The following FOXP1 variants were observed in gnomAD, a reference collection of about 807,000 sequenced individuals.
The protein encoded by FOXP1 is forkhead box P1.
Under a neutral mutation model 98.2 loss-of-function variants are expected in FOXP1, and 15 were observed. That is an observed-to-expected ratio of 0.15 (90% confidence interval 0.10 to 0.24). FOXP1 has a LOEUF of 0.24. Among genes scored for constraint, FOXP1 ranks in the 10% least tolerant of loss-of-function variants. The probability of loss-of-function intolerance (pLI) is 1.00; values close to 1 mark genes in which losing one functional copy is unlikely to be tolerated. For missense variants in FOXP1, 633 were observed against 848.5 expected (o/e 0.75, Z 3.15); for synonymous variants, 371 against 314.5 (o/e 1.18, Z -1.90).
Position 71,494,346 on chromosome 3 carries a change from A to G in FOXP1, c.-297-791T>C, listed in dbSNP as rs75376924. Among the ~76,000 whole-genome samples the G allele has an allele frequency of 3.9e-3, 600 of 152,276 alleles. 39 individuals are homozygous for G. The East Asian group carries it at 0.1, about 26-fold the overall frequency. The stretch of plus-strand genomic sequence containing the variant: ...ATATTTCTTCTAAATACTTTAAACT[A>G]ATTAACTTCTCCTTTAAGCTTCCTG... On this transcript the variant is annotated intron_variant, in intron 2 of 20. Transcript: ENST00000649528.
intron 5 of FOXP1, among the ~76,000 whole-genome samples, chr3:71,204,346 G>A (rs566804566): frequency 3.9e-5 from 6 of 152,334 alleles, no homozygotes. Context: ...GGAGTTTTAA[G>A]CAGTGGGGTG....
At chr3:71,560,760 G>A (rs2046472634) in intron 2 of FOXP1, among the ~76,000 whole-genome samples, 1 of 152,104 alleles carries the variant, frequency 6.6e-6, no homozygotes, top group Non-Finnish European at 1.5e-5. Flanking sequence ...TTACAACATA[G>A]GTAATCCTTG....
intron 11 of FOXP1, chr3:71,040,128 T>G (rs2048147119): frequency 6.6e-6 from 1 of 151,932 alleles, no homozygotes; most frequent in Non-Finnish European, 1.5e-5. Context: ...TGTGTGTGTG[T>G]GTGTATCTGT....
At chr3:71,070,785 C>T in intron 7 of FOXP1, among the ~76,000 whole-genome samples, 1 of 152,168 alleles carries the variant, frequency 6.6e-6, no homozygotes, top group East Asian at 1.9e-4. Context: ...AAGGCCTGTA[C>T]AAATCCCTGC....
chr3:71,425,346 G>A (rs1490021779), intron 3 of FOXP1, among the ~76,000 whole-genome samples: 6 of 152,216 alleles, frequency 3.9e-5, no homozygotes, highest in East Asian at 3.9e-4. Context: ...AGCTGGTCTC[G>A]AACTCCTGAC....
At chr3:70,968,095 T>C (rs193223732) in intron 19 of FOXP1, among the ~76,000 whole-genome samples, 47 of 152,272 alleles carry the variant, frequency 3.1e-4, no homozygotes, top group African/African-American at 1.0e-3. Flanking sequence ...GATTGGATCA[T>C]AGAACATGGG....
intron 5 of FOXP1, among the ~76,000 whole-genome samples, chr3:71,265,023 C>A (rs563602443): frequency 6.6e-6 from 1 of 152,110 alleles, no homozygotes; most frequent in East Asian, 1.9e-4. Context: ...AGAGTGTGCA[C>A]GTATACACAC....
chr3:71,485,785 A>G (rs2090603395), intron 3 of FOXP1, among the ~76,000 whole-genome samples: 1 of 152,050 alleles, frequency 6.6e-6, no homozygotes, highest in Non-Finnish European at 1.5e-5. Flanking sequence ...AAAAAAAAAA[A>G]AAGAACCACA....
chr3:71,437,323 C>T (rs564141416), intron 3 of FOXP1, among the ~76,000 whole-genome samples: 5 of 152,266 alleles, frequency 3.3e-5, no homozygotes, highest in African/African-American at 1.2e-4. Flanking sequence ...AGGAGGATCG[C>T]TTGAACCTGG....
chr3:70,976,186 G>A (rs547515785), intron 17 of FOXP1, among the ~76,000 whole-genome samples: 2 of 150,976 alleles, frequency 1.3e-5, no homozygotes, highest in African/African-American at 4.9e-5. Flanking sequence ...AGTAGCTGTT[G>A]ACCACAGGTG....
At chr3:71,110,993 A>G (rs2057872541) in intron 7 of FOXP1, among the ~76,000 whole-genome samples, 1 of 152,192 alleles carries the variant, frequency 6.6e-6, no homozygotes, top group South Asian at 2.1e-4. Flanking sequence ...AACTTTTCCA[A>G]TAAAGCGTCA....
chr3:71,427,154 T>G (rs769374360), intron 3 of FOXP1, among the ~76,000 whole-genome samples: 3 of 152,016 alleles, frequency 2.0e-5, no homozygotes, highest in Non-Finnish European at 4.4e-5. Flanking sequence ...ATTATTTGAC[T>G]CTTCCCTTAA....
intron 3 of FOXP1, among the ~76,000 whole-genome samples, chr3:71,444,576 G>A (rs1409470620): frequency 6.6e-6 from 1 of 152,196 alleles, no homozygotes; most frequent in Non-Finnish European, 1.5e-5. Context: ...TGAGATGGCA[G>A]ATAGGAGGTT....
intron 5 of FOXP1, chr3:71,296,068 ATT>A (rs1166354901): frequency 6.6e-6 from 1 of 152,206 alleles, no homozygotes; most frequent in East Asian, 1.9e-4. Flanking sequence ...GATGACTGTT[ATT>A]TATGACTCTT....
At chr3:71,305,575 G>A (rs1399208783) in intron 4 of FOXP1, 1 of 152,292 alleles carries the variant, frequency 6.6e-6, no homozygotes, top group Non-Finnish European at 1.5e-5. Context: ...GCAAACAATG[G>A]CAGCATTATC....
chr3:71,542,421 A>G (rs1454788896), intron 2 of FOXP1, among the ~76,000 whole-genome samples: 1 of 152,252 alleles, frequency 6.6e-6, no homozygotes, highest in African/African-American at 2.4e-5. Flanking sequence ...GGGGGAGCAG[A>G]GCGATCGAAA....
In FOXP1 at chr3:71,085,853, C is replaced by T. The variant is rs373077613; in HGVS notation, c.282+26683G>A. ...CAAGCGATTCTCCTGCCTCAGCCTC[C>T]TGAGTAGCTGGGACCACAGGCGGGT... On this transcript the variant is annotated intron_variant, in intron 7 of 20. Transcript: ENST00000649528. 1.1e-4 allele frequency among the ~76,000 whole-genome samples: 17 copies of T among 150,238 alleles called. 1 individual carries two copies. Among genetic ancestry groups the T allele is most frequent in the East Asian group, 1.0e-3 (5 of 5,002 alleles).
At chr3:71,208,379 A>G (rs1314254729) in intron 5 of FOXP1, among the ~76,000 whole-genome samples, 1 of 152,200 alleles carries the variant, frequency 6.6e-6, no homozygotes, top group Non-Finnish European at 1.5e-5. Context: ...ATATCATTAC[A>G]CTAAGGAAAT....
chr3:71,515,143 T>C (rs2042470377), intron 2 of FOXP1, among the ~76,000 whole-genome samples: 2 of 152,164 alleles, frequency 1.3e-5, no homozygotes, highest in African/African-American at 4.8e-5. Flanking sequence ...CAAACTGGCA[T>C]TTCTAGACCC....
Sources: allele counts gnomAD v4.1 joint callset (sites outside exome capture counted in the v4.1 genomes callset), GRCh38; gene constraint gnomAD v4.1.1; transcripts MANE v1.5; gene names NCBI Gene and HGNC (gene_info 2026-07-23, HGNC 2026-07-21).